The following SUFU variants were observed in gnomAD, a reference collection of about 807,000 sequenced individuals.
The protein encoded by SUFU is suppressor of fused homolog.
Under a neutral mutation model 58.9 loss-of-function variants are expected in SUFU, and 7 were observed. The ratio of observed to expected loss-of-function variants is 0.12; its 90% CI spans 0.07 to 0.22. The LOEUF (loss-of-function observed/expected upper bound fraction) is 0.22, where lower values mean the gene tolerates loss of function less well. Ranked by LOEUF, SUFU falls within the 10% of genes least tolerant of loss-of-function variation. The probability of loss-of-function intolerance (pLI) is 1.00; values close to 1 mark genes in which losing one functional copy is unlikely to be tolerated. For synonymous variants in SUFU, 232 were observed against 254.8 expected (o/e 0.91, Z 0.85); for missense variants, 451 against 641.3 (o/e 0.70, Z 3.20).
chr10:102,524,568 G>T (rs1028862207), intron 2 of SUFU, among the ~76,000 whole-genome samples: 2 of 151,956 alleles, frequency 1.3e-5, no homozygotes, highest in Admixed American at 6.6e-5. Context: ...TGATCTGCCT[G>T]CCTCAGCCTC....
chr10:102,588,258 T>C (rs1176228158), intron 3 of SUFU, among the ~76,000 whole-genome samples: 1 of 152,014 alleles, frequency 6.6e-6, no homozygotes, highest in Non-Finnish European at 1.5e-5. Flanking sequence ...CTGGGCGTGG[T>C]GGCGGGCACC....
At chr10:102,530,773 A>G (rs1347069613) in intron 2 of SUFU, among the ~76,000 whole-genome samples, 1 of 151,938 alleles carries the variant, frequency 6.6e-6, no homozygotes, top group Non-Finnish European at 1.5e-5. Flanking sequence ...TCTTAATCCC[A>G]AGGAAATAAC....
Position 102,587,711 on chromosome 10 carries a change from C to G in SUFU, c.455-4871C>G, listed in dbSNP as rs547326841. Among the ~76,000 whole-genome samples the G allele has an allele frequency of 2.8e-4, 43 of 152,266 alleles. No homozygotes were observed. In the East Asian group the frequency reaches 7.0e-3, roughly 25 times the overall value. On this transcript the variant is annotated intron_variant, in intron 3 of 11. Transcript: ENST00000369902. The stretch of plus-strand genomic sequence containing the variant: ...GTTTCACCATGTTGGCCAGGCTGGT[C>G]TTGAACTCCTGACCTCAGGTGATCT...
In SUFU at chr10:102,509,253, C is replaced by T. The variant is rs1236109627; in HGVS notation, c.267C>T (p.His89=). The part of the protein sequence containing the change: ...SPSANIPEHW[H]YISFGLSDLY... ...CTGCTAACATCCCCGAGCACTGGCA[C>T]TACATCAGCTTCGGCCTGAGTGATC... The change falls in exon 2 of 12, where the codon CAC becomes CAT. Residue 89 remains histidine, a synonymous_variant. Coordinates refer to ENST00000369902, the MANE Select transcript of SUFU (RefSeq NM_016169.4). 6.8e-6 allele frequency: 11 copies of T among 1,614,214 alleles called. No individual in the cohort carries two copies. Among genetic ancestry groups the T allele is most frequent in the Non-Finnish European group, 8.5e-6 (10 of 1,180,048 alleles).
At chr10:102,584,853 A>G (rs959350744) in intron 3 of SUFU, among the ~76,000 whole-genome samples, 2 of 152,226 alleles carry the variant, frequency 1.3e-5, no homozygotes, top group Non-Finnish European at 2.9e-5. Flanking sequence ...CAAAGTTTGG[A>G]AAGTGTTGGG....
At chr10:102,530,654 A>C (rs2135695675) in intron 2 of SUFU, among the ~76,000 whole-genome samples, 1 of 151,452 alleles carries the variant, frequency 6.6e-6, no homozygotes, top group East Asian at 2.0e-4. Flanking sequence ...GGGTCTCACT[A>C]TGTTGCCCAG....
At chr10:102,557,246 G>A (rs1237431010) in intron 3 of SUFU, among the ~76,000 whole-genome samples, 77 of 148,310 alleles carry the variant, frequency 5.2e-4, no homozygotes, top group African/African-American at 1.5e-3. Context: ...AAAAAAAAAA[G>A]AAAAAGAAAA....
In SUFU at chr10:102,630,134, G is replaced by A; in HGVS notation, c.1434G>A (p.Val478=). The part of the protein sequence containing the change: ...KLKVSILPDV[V]FDSPLH Reference sequence around the variant, plus strand: ...AGGTCTCCATCCTGCCTGACGTGGTGTTCGACAGTCCGCTACACTAGCCTG... The same window carrying A: ...AGGTCTCCATCCTGCCTGACGTGGTATTCGACAGTCCGCTACACTAGCCTG... The change falls in exon 12 of 12, where the codon GTG becomes GTA. Residue 478 remains valine, a synonymous_variant. Transcript: ENST00000369902. The A allele has an allele frequency of 6.2e-7, 1 of 1,614,206 alleles. No individual in the cohort carries two copies. The highest frequency in any genetic ancestry group is 8.5e-7 in the Non-Finnish European group (1 of 1,180,036).
chr10:102,557,067 C>T (rs573555737), intron 3 of SUFU, among the ~76,000 whole-genome samples: 1 of 151,602 alleles, frequency 6.6e-6, no homozygotes, highest in Admixed American at 6.6e-5. Context: ...AGCAATAGAG[C>T]GAGACTCCCT....
At chr10:102,520,215 T>C (rs1032036732) in intron 2 of SUFU, among the ~76,000 whole-genome samples, 1 of 59,084 alleles carries the variant, frequency 1.7e-5, no homozygotes, top group Non-Finnish European at 3.5e-5. Flanking sequence ...TTTCTTTCTT[T>C]TTTTTTTTTT....
At chr10:102,570,491 T>C (rs2063148921) in intron 3 of SUFU, among the ~76,000 whole-genome samples, 2 of 152,134 alleles carry the variant, frequency 1.3e-5, no homozygotes, top group Admixed American at 1.3e-4. Context: ...TCCGCCTGCC[T>C]CGGTCTCCCA....
intron 8 of SUFU, among the ~76,000 whole-genome samples, chr10:102,612,648 G>A (rs1321018345): frequency 6.6e-6 from 1 of 152,186 alleles, no homozygotes; most frequent in African/African-American, 2.4e-5. Context: ...GGATTCTCTA[G>A]CACGCCCTGC....
chr10:102,626,471 C>T (rs1363359127), intron 10 of SUFU, among the ~76,000 whole-genome samples: 1 of 152,126 alleles, frequency 6.6e-6, no homozygotes, highest in Non-Finnish European at 1.5e-5. Context: ...ACGTGGAATG[C>T]TGGGAGGTGA....
At chr10:102,540,416 C>G (rs901851503) in intron 2 of SUFU, among the ~76,000 whole-genome samples, 1 of 152,020 alleles carries the variant, frequency 6.6e-6, no homozygotes, top group African/African-American at 2.4e-5. Flanking sequence ...TTTGGGAGGC[C>G]CAAGTGGGTG....
chr10:102,509,537 T>C (rs1430209177), intron 2 of SUFU, among the ~76,000 whole-genome samples: 1 of 152,212 alleles, frequency 6.6e-6, no homozygotes, highest in African/African-American at 2.4e-5. Context: ...TTTCTAAGCT[T>C]GCCCTGGAGT....
chr10:102,566,869 C>T (rs557092011), intron 3 of SUFU, among the ~76,000 whole-genome samples: 27 of 142,582 alleles, frequency 1.9e-4, no homozygotes, highest in Non-Finnish European at 2.9e-4. Context: ...CACTTGAACC[C>T]GGAAGGCGGA....
chr10:102,611,640 G>A (rs2063624354), intron 8 of SUFU, among the ~76,000 whole-genome samples: 1 of 152,210 alleles, frequency 6.6e-6, no homozygotes. Flanking sequence ...GCCAGCTAAC[G>A]TCAACACATT....
chr10:102,514,740 G>A (rs559480593), intron 2 of SUFU, among the ~76,000 whole-genome samples: 3 of 152,298 alleles, frequency 2.0e-5, no homozygotes, highest in South Asian at 2.1e-4. Context: ...GGATCTATGC[G>A]GCTGTAGAAG....
chr10:102,527,641 A>G (rs1003382023), intron 2 of SUFU, among the ~76,000 whole-genome samples: 1 of 152,088 alleles, frequency 6.6e-6, no homozygotes, highest in African/African-American at 2.4e-5. Context: ...CGGCTTGATT[A>G]TCTCTTTGGG....
Sources: allele counts gnomAD v4.1 joint callset (sites outside exome capture counted in the v4.1 genomes callset), GRCh38; gene constraint gnomAD v4.1.1; transcripts MANE v1.5; gene names NCBI Gene and HGNC (gene_info 2026-07-23, HGNC 2026-07-21).